SCAMP2: variants seen among roughly 807,000 people sequenced by gnomAD.
SCAMP2 encodes the protein secretory carrier-associated membrane protein 2.
Under a neutral mutation model 44.1 loss-of-function variants are expected in SCAMP2, and 25 were observed. The observed-to-expected ratio is 0.57, with a 90% CI of 0.41 to 0.79. The LOEUF is 0.79. Among genes scored for constraint, SCAMP2 ranks in the 30% least tolerant of loss-of-function variants. SCAMP2 has a pLI of 0.00. For missense variants in SCAMP2, 355 were observed against 411.0 expected, an observed-to-expected ratio of 0.86 and a Z score of 1.18; for synonymous variants, 156 against 166.0, an observed-to-expected ratio of 0.94 and a Z score of 0.46.
chr15:74,866,005 A>G (rs1446815878), intron 1 of SCAMP2, among the ~76,000 whole-genome samples: 4 of 61,834 alleles, frequency 6.5e-5, no homozygotes, highest in Admixed American at 4.0e-4. Flanking sequence ...GAAGGAAGGA[A>G]GGAAGGAAGG....
At chr15:74,866,018 A>AAGGAAGGAAG (rs2064541238) in intron 1 of SCAMP2, among the ~76,000 whole-genome samples, 2 of 52,790 alleles carry the variant, frequency 3.8e-5, no homozygotes, top group South Asian at 9.7e-4. Context: ...AAGGAAGGAA[A>AAGGAAGGAAG]GGAGGGAGGG....
chr15:74,848,845 C>A (rs1255198787), intron 6 of SCAMP2, 144 bp from the exon 7 acceptor site: 3 of 606,900 alleles, frequency 4.9e-6, no homozygotes, highest in Non-Finnish European at 8.9e-6. Context: ...CCATACCACC[C>A]GTAAGGACAC....
intron 1 of SCAMP2, among the ~76,000 whole-genome samples, chr15:74,857,392 C>G (rs1424510123): frequency 6.6e-6 from 1 of 152,220 alleles, no homozygotes; most frequent in Non-Finnish European, 1.5e-5. Flanking sequence ...CCAGAATCAT[C>G]TGGCTTCCTG....
At chr15:74,866,883 G>A (rs957231326) in intron 1 of SCAMP2, among the ~76,000 whole-genome samples, 5 of 149,890 alleles carry the variant, frequency 3.3e-5, no homozygotes, top group Non-Finnish European at 1.5e-5. Flanking sequence ...TGCAACCTCC[G>A]CCTCCCGGGT....
Position 74,859,465 on chromosome 15 carries a change from A to C in SCAMP2, c.58-4816T>G, listed in dbSNP as rs530691393. On this transcript the variant is annotated intron_variant, in intron 1 of 8. Transcript: ENST00000268099. ...TCAAGAAAGGCCAGGTTGTAGAAGGAAGACAGACAGCAAAGGCCCAGATCA... is the reference window on the plus strand; with the variant it reads ...TCAAGAAAGGCCAGGTTGTAGAAGGCAGACAGACAGCAAAGGCCCAGATCA... Among the ~76,000 whole-genome samples, 5 of 152,216 alleles carry C rather than the reference A, an allele frequency of 3.3e-5. No individual in the cohort carries two copies. The South Asian group carries it at 1.0e-3, about 32-fold the overall frequency.
At chr15:74,860,427 G>A (rs1342866722) in intron 1 of SCAMP2, among the ~76,000 whole-genome samples, 1 of 147,206 alleles carries the variant, frequency 6.8e-6, no homozygotes, top group South Asian at 2.1e-4. Context: ...GATGGCTCAC[G>A]CCTGTAATCC....
intron 1 of SCAMP2, among the ~76,000 whole-genome samples, chr15:74,870,214 C>T (rs939047920): frequency 5.9e-5 from 9 of 152,264 alleles, no homozygotes; most frequent in Middle Eastern, 6.8e-3. Context: ...CAGACTGTCT[C>T]GCTAGAATGC....
intron 1 of SCAMP2, chr15:74,872,956 C>T: frequency 2.2e-6 from 1 of 460,600 alleles, no homozygotes; most frequent in Non-Finnish European, 3.8e-6. Context: ...CACAGCCCAG[C>T]CTCCGGGTGC....
intron 1 of SCAMP2, chr15:74,872,847 C>A: frequency 4.1e-6 from 1 of 245,442 alleles, no homozygotes; most frequent in East Asian, 7.7e-5. Context: ...AGGTGTCTAT[C>A]CAAGAATGAG....
chr15:74,851,728 C>T (rs1435943901), intron 4 of SCAMP2, among the ~76,000 whole-genome samples: 1 of 152,074 alleles, frequency 6.6e-6, no homozygotes, highest in Admixed American at 6.5e-5. Context: ...AGCTAAATGG[C>T]CTAAGTGATT....
Position 74,873,341 on chromosome 15 carries a change from C to A in SCAMP2, c.-86G>T. 1 of 1,246,432 alleles carries A rather than the reference C, an allele frequency of 8.0e-7. No homozygotes were observed. Among genetic ancestry groups the A allele is most frequent in the Non-Finnish European group, 1.1e-6 (1 of 937,302 alleles). 77.2% of individuals were successfully genotyped at this position (1,246,432 alleles called of 1,614,324 possible). A position where few individuals can be genotyped will look rare whatever the true frequency, so the allele number is the denominator to read the frequency against. ...AGCGGCGCTTCGTGTAGACCCTCCA[C>A]TTCCGGGAGCGAGGCAGCGGTTCTG... On this transcript the variant is annotated 5_prime_UTR_variant, in exon 1 of 9. Transcript: ENST00000268099.
rs535174233 is a variant in SCAMP2, at chr15:74,860,593, C to A, written c.58-5944G>T. Among the ~76,000 whole-genome samples, 15 of 150,196 alleles carry A rather than the reference C, an allele frequency of 1.0e-4. No individual in the cohort carries two copies. In the East Asian group the frequency reaches 2.4e-3, roughly 24 times the overall value. ...ATCCCAGCTACTTGGAAGGCTGAGG[C>A]AGGAGAATCGCTTGAACTGGGAGGC... On this transcript the variant is annotated intron_variant, in intron 1 of 8. Coordinates refer to ENST00000268099, the MANE Select transcript of SCAMP2 (RefSeq NM_005697.5).
In SCAMP2 at chr15:74,873,156, C is replaced by T. The variant is rs1042012868; in HGVS notation, c.57+43G>A. ...AGAGGCCCGGGCGGCGGCCGTGGGCCCTAGGGAAATCTGAGAGCTGGATGG... is the reference window on the plus strand; with the variant it reads ...AGAGGCCCGGGCGGCGGCCGTGGGCTCTAGGGAAATCTGAGAGCTGGATGG... On this transcript the variant is annotated intron_variant, in intron 1 of 8. Coordinates refer to ENST00000268099, the MANE Select transcript of SCAMP2 (RefSeq NM_005697.5). The T allele has an allele frequency of 2.1e-6, 3 of 1,413,292 alleles. No homozygotes were observed. In the African/African-American group the frequency reaches 4.6e-5, roughly 22 times the overall value. The allele number at this position is 1,413,292 out of a possible 1,614,324, so 87.5% of individuals were successfully genotyped here. A position where few individuals can be genotyped will look rare whatever the true frequency, so the allele number is the denominator to read the frequency against.
chr15:74,868,418 A>G (rs1459634003), intron 1 of SCAMP2, among the ~76,000 whole-genome samples: 1 of 152,244 alleles, frequency 6.6e-6, no homozygotes, highest in Non-Finnish European at 1.5e-5. Context: ...ATAACGACTG[A>G]GCAGAAAACA....
chr15:74,870,401 TTATTTC>T (rs1256507993), intron 1 of SCAMP2, among the ~76,000 whole-genome samples: 3 of 152,184 alleles, frequency 2.0e-5, no homozygotes, highest in Non-Finnish European at 4.4e-5. Flanking sequence ...AGCAGACTTT[TTATTTC>T]TGATTCTGAG....
chr15:74,851,022 C>T (rs1345078618), intron 5 of SCAMP2, among the ~76,000 whole-genome samples: 2 of 152,178 alleles, frequency 1.3e-5, no homozygotes, highest in African/African-American at 4.8e-5. Context: ...GGGGGAGTCT[C>T]CTTCCTCACC....
chr15:74,849,377 G>A (rs2064419780), intron 6 of SCAMP2, among the ~76,000 whole-genome samples: 1 of 151,858 alleles, frequency 6.6e-6, no homozygotes, highest in Non-Finnish European at 1.5e-5. Flanking sequence ...GAACCTGGGA[G>A]GCGGAGGTTG....
At position 74,848,643 on chromosome 15, in the gene SCAMP2, T is replaced by A. The variant is rs1366763507; in HGVS notation, c.691A>T (p.Ile231Phe). The A allele has an allele frequency of 2.5e-6, 4 of 1,613,536 alleles. No homozygotes were observed. Among genetic ancestry groups the A allele is most frequent in the African/African-American group, 1.3e-5 (1 of 74,816 alleles). Reference protein sequence around the residue: ...FFFVFFCQIGIYIIQLVGIPG... With the variant: ...FFFVFFCQIGFYIIQLVGIPG... ...ATGCCAACCAACTGGATGATGTAGA[T>A]CCCTATTTGACAAAAAAATACAAAG... Residue 231 changes from isoleucine to phenylalanine, a missense_variant, in exon 7 of 9, where the codon ATC becomes TTC. Ile to Phe is a conservative substitution (Grantham distance 21, BLOSUM62 0). Transcript: ENST00000268099.
intron 7 of SCAMP2, among the ~76,000 whole-genome samples, chr15:74,846,909 G>A (rs1354095908): frequency 1.3e-5 from 2 of 152,052 alleles, no homozygotes; most frequent in Non-Finnish European, 2.9e-5. Context: ...ACCTGTCTGA[G>A]CCCCATGTCC....
Sources: gnomAD v4.1 joint callset for allele counts (sites outside exome capture counted in the v4.1 genomes callset) on GRCh38, gnomAD v4.1.1 for gene constraint, MANE v1.5 for transcripts, NCBI Gene and HGNC (gene_info 2026-07-23, HGNC 2026-07-21) for gene names.